Variants in KIF13A observed in about 807,000 individuals in gnomAD.
KIF13A encodes kinesin-like protein KIF13A.
A neutral mutation model predicts 212.2 loss-of-function variants in KIF13A; 79 were observed. The observed-to-expected ratio is 0.37, with a 90% confidence interval of 0.31 to 0.45. The LOEUF is 0.45. Ranked by LOEUF, KIF13A falls within the 20% of genes least tolerant of loss-of-function variation. KIF13A has a pLI of 1.00. For missense variants in KIF13A, 1,901 were observed against 2,209.0 expected (o/e 0.86, Z 2.79); for synonymous variants, 789 against 808.6 (o/e 0.98, Z 0.41).
At chr6:17,976,239 C>T (rs1253459129) in intron 2 of KIF13A, among the ~76,000 whole-genome samples, 3 of 152,318 alleles carry the variant, frequency 2.0e-5, no homozygotes, top group East Asian at 1.9e-4. Flanking sequence ...GAGAAGGGGC[C>T]GGCGCTCGTC....
intron 3 of KIF13A, among the ~76,000 whole-genome samples, chr6:17,882,416 G>A (rs1581626705): frequency 6.6e-6 from 1 of 151,996 alleles, no homozygotes; most frequent in East Asian, 1.9e-4. Flanking sequence ...CAGACACAAA[G>A]TGATTAATAT....
Position 17,786,738 on chromosome 6 carries a change from G to C in KIF13A, c.3361+1038C>G, listed in dbSNP as rs1013218201. Among the ~76,000 whole-genome samples, 7 of 152,034 alleles carry C rather than the reference G, an allele frequency of 4.6e-5. No homozygotes were observed. The highest frequency in any genetic ancestry group is 1.7e-4 in the African/African-American group (7 of 41,388). ...CTCTTATTCATAATTCAACTCTGGGGCTCCCTGGGTACAGTCTAAGTGAGT... is the reference window on the plus strand; with the variant it reads ...CTCTTATTCATAATTCAACTCTGGGCCTCCCTGGGTACAGTCTAAGTGAGT... On this transcript the variant is annotated intron_variant, in intron 27 of 38. Coordinates refer to ENST00000259711, the MANE Select transcript of KIF13A (RefSeq NM_022113.6). This position sits in a 1 kb window ranked among gnomAD's most constrained non-coding sequence, Gnocchi z 5.4.
intron 2 of KIF13A, among the ~76,000 whole-genome samples, chr6:17,933,519 T>C (rs772630722): frequency 2.6e-5 from 4 of 151,552 alleles, no homozygotes; most frequent in Admixed American, 6.6e-5. Flanking sequence ...GCTGGGATTA[T>C]AGGTGTGGGC....
At chr6:17,760,563 G>A, downstream of KIF13A, 1 of 522,980 alleles carries the variant, frequency 1.9e-6, no homozygotes, top group Non-Finnish European at 3.4e-6. Context: ...TACAGTGGAG[G>A]TGTGTAGTAA....
At chr6:17,983,495 T>TG (rs1554128201) in intron 2 of KIF13A, among the ~76,000 whole-genome samples, 43 of 98,406 alleles carry the variant, frequency 4.4e-4, no homozygotes, top group African/African-American at 1.9e-3. Flanking sequence ...CTGCTGCTGC[T>TG]TTTTTTTTTT....
chr6:17,835,051 G>A (rs1010924958), intron 11 of KIF13A, among the ~76,000 whole-genome samples: 1 of 151,618 alleles, frequency 6.6e-6, no homozygotes, highest in East Asian at 1.9e-4. Context: ...GTATAATGGC[G>A]CATGCCTGTC....
At chr6:17,823,244 A>G (rs1158677056) in intron 16 of KIF13A, among the ~76,000 whole-genome samples, 1 of 151,872 alleles carries the variant, frequency 6.6e-6, no homozygotes. Context: ...GGGTTTCACC[A>G]TGTTGGCCAG....
At chr6:17,916,489 C>A (rs958245085) in intron 2 of KIF13A, among the ~76,000 whole-genome samples, 3 of 152,176 alleles carry the variant, frequency 2.0e-5, no homozygotes, top group African/African-American at 7.2e-5. Context: ...TGCTACAAAC[C>A]CCATCAGGCT....
chr6:17,761,203 AAC>A (rs1758567005), downstream of KIF13A, among the ~76,000 whole-genome samples: 1 of 152,162 alleles, frequency 6.6e-6, no homozygotes, highest in Admixed American at 6.5e-5. Flanking sequence ...AAACTGTCAA[AAC>A]AACTTATTAA....
intron 2 of KIF13A, among the ~76,000 whole-genome samples, chr6:17,979,285 T>G (rs1780852660): frequency 6.6e-6 from 1 of 152,082 alleles, no homozygotes; most frequent in Admixed American, 6.6e-5. Flanking sequence ...AGAACGAGAC[T>G]CCATCTAAAA....
intron 2 of KIF13A, among the ~76,000 whole-genome samples, chr6:17,932,301 C>T (rs146822486): frequency 7.2e-4 from 109 of 152,114 alleles, no homozygotes; most frequent in South Asian, 4.6e-3. Context: ...ATTGTATGCC[C>T]GAATGCCTTG....
intron 2 of KIF13A, among the ~76,000 whole-genome samples, chr6:17,945,525 A>G (rs1412923266): frequency 6.6e-6 from 1 of 152,270 alleles, no homozygotes; most frequent in Non-Finnish European, 1.5e-5. Context: ...TGTGATAGAA[A>G]AAAAAATTTT....
rs377613904 is a variant in KIF13A at position 17,764,766 on chromosome 6, G to A, written c.4762C>T (p.Arg1588Cys). 1.9e-5 allele frequency: 30 copies of A among 1,612,790 alleles called. No homozygotes were observed. The highest frequency in any genetic ancestry group is 1.6e-4 in the Middle Eastern group (1 of 6,084). ...GTAATACTGCTGGTGGTAGGGCTAC[G>A]GGACACTTCTTTCTCCAAGACCCGT... ...NSRVLEKEVSRSPTTSSITSG... is the reference protein window; with the variant it reads ...NSRVLEKEVSCSPTTSSITSG... Residue 1588 changes from arginine (R) to cysteine (C), a missense_variant, in exon 39 of 39, where the codon CGT becomes TGT. This residue lies in a region of KIF13A where 687 missense variants were observed against 759.1 expected (regional missense o/e 0.90). Coordinates refer to ENST00000259711, the MANE Select transcript of KIF13A (RefSeq NM_022113.6). This position sits in a 1 kb window ranked among gnomAD's most constrained non-coding sequence, Gnocchi z 5.1.
chr6:17,808,772 C>T lies in KIF13A; in HGVS notation c.2159G>A (p.Arg720Lys), dbSNP rs373203654. Residue 720 changes from arginine (R) to lysine (K), a missense_variant, in exon 18 of 39, where the codon AGG (arginine) becomes AAG (lysine). Arg to Lys is a conservative substitution (Grantham distance 26). Transcript: ENST00000259711. ...QIPAANLSANRKRGAIVSEPA... is the reference protein window; with the variant it reads ...QIPAANLSANKKRGAIVSEPA... ...TCACTTGAAGGACATTCTTACCTTC[C>T]TATTGGCACTGAGGTTTGCAGCAGG... 43 of 1,611,166 alleles carry T rather than the reference C, an allele frequency of 2.7e-5. No homozygotes were observed. Among genetic ancestry groups the T allele is most frequent in the Non-Finnish European group, 3.5e-5 (41 of 1,178,922 alleles).
At position 17,834,670 on chromosome 6, in the gene KIF13A, C is replaced by T. The variant is rs1199375872; in HGVS notation, c.1156-599G>A. Among the ~76,000 whole-genome samples the T allele has an allele frequency of 6.6e-6, 1 of 152,178 alleles. No individual in the cohort carries two copies. Among genetic ancestry groups the T allele is most frequent in the Non-Finnish European group, 1.5e-5 (1 of 68,022 alleles). The stretch of plus-strand genomic sequence containing the variant: ...TAAGAGGTTTCAATACAGATACTTG[C>T]AGCTTAACAAAATTTTGAGGGGAGA... On this transcript the variant is annotated intron_variant, in intron 11 of 38. Transcript: ENST00000259711. This position sits in a 1 kb window ranked among gnomAD's most constrained non-coding sequence, Gnocchi z 4.0.
intron 2 of KIF13A, chr6:17,950,616 T>C: frequency 1.0e-6 from 1 of 985,210 alleles, no homozygotes; most frequent in Non-Finnish European, 1.2e-6. Context: ...CTGAGCATCT[T>C]AACAAAATTA....
chr6:17,910,523 A>G (rs755490505), intron 2 of KIF13A, among the ~76,000 whole-genome samples: 3 of 152,264 alleles, frequency 2.0e-5, no homozygotes, highest in Non-Finnish European at 2.9e-5. Context: ...TTATAGTTTA[A>G]TAGTTTGACT....
chr6:17,816,906 G>T lies in KIF13A; in HGVS notation c.2000+114C>A, dbSNP rs1581402437. ...AGCTAATTGGCAATATCACGTATGG[G>T]ATTAAGAGTTCTCTTGTTGCTAGGT... On this transcript the variant is annotated intron_variant, in intron 17 of 38. Coordinates refer to ENST00000259711, the MANE Select transcript of KIF13A (RefSeq NM_022113.6). This position sits in a 1 kb window ranked among gnomAD's most constrained non-coding sequence, Gnocchi z 4.3. 4.1e-6 allele frequency: 3 copies of T among 738,874 alleles called. No homozygotes were observed. The highest frequency in any genetic ancestry group is 5.4e-5 in the East Asian group (2 of 37,202). 45.8% of individuals were successfully genotyped at this position (738,874 alleles called of 1,614,324 possible).
At chr6:17,810,455 A>G (rs1763334182) in intron 17 of KIF13A, among the ~76,000 whole-genome samples, 1 of 152,024 alleles carries the variant, frequency 6.6e-6, no homozygotes, top group Non-Finnish European at 1.5e-5. Context: ...TCCATAAATC[A>G]CCTTCTACAC....
Sources: allele counts gnomAD v4.1 joint callset (sites outside exome capture counted in the v4.1 genomes callset), GRCh38; gene constraint gnomAD v4.1.1; regional missense constraint gnomAD v4.1.1; non-coding constraint Gnocchi (gnomAD v3.1); transcripts MANE v1.5; gene names NCBI Gene and HGNC (gene_info 2026-07-23, HGNC 2026-07-21).